PCSK6: variants seen among roughly 807,000 people sequenced by gnomAD.
PCSK6 encodes paired basic amino acid cleaving enzyme 4.
In PCSK6, 85 loss-of-function variants were observed where a neutral mutation model predicts 123.3. The ratio of observed to expected loss-of-function variants is 0.69; its 90% CI spans 0.58 to 0.83. The LOEUF is 0.83. Among genes scored for constraint, PCSK6 ranks in the 40% least tolerant of loss-of-function variants. PCSK6 has a pLI of 0.00. For synonymous variants in PCSK6, 508 were observed against 516.0 expected (o/e 0.98, Z 0.21); for missense variants, 1,191 against 1,282.3 (o/e 0.93, Z 1.09).
intron 1 of PCSK6, among the ~76,000 whole-genome samples, chr15:101,488,428 A>G (rs1032248545): frequency 1.3e-5 from 2 of 152,184 alleles, no homozygotes; most frequent in African/African-American, 4.8e-5. Flanking sequence ...TTTGAGGGTA[A>G]TGCCGCCTTT....
Position 101,432,388 on chromosome 15 carries a change from C to T in PCSK6, c.403-288G>A, listed in dbSNP as rs553290147. 1.4e-4 allele frequency among the ~76,000 whole-genome samples: 21 copies of T among 147,012 alleles called. No homozygotes were observed. The East Asian group carries it at 3.4e-3, about 24-fold the overall frequency. ...CTGTCATCCCAGCACGTTGGGAGGC[C>T]GAGGCAGGAAGATCGCCTGAGCCCA... On this transcript the variant is annotated intron_variant, in intron 2 of 21. Coordinates refer to ENST00000611716, the MANE Select transcript of PCSK6 (RefSeq NM_002570.5).
chr15:101,388,471 G>A (rs867765886), intron 9 of PCSK6, among the ~76,000 whole-genome samples: 19 of 152,116 alleles, frequency 1.2e-4, no homozygotes, highest in African/African-American at 1.7e-4. Context: ...CTCCATGTGC[G>A]GTTAACTTGC....
chr15:101,418,811 C>A (rs371931203), intron 6 of PCSK6, among the ~76,000 whole-genome samples: 1 of 152,118 alleles, frequency 6.6e-6, no homozygotes, highest in Non-Finnish European at 1.5e-5. Flanking sequence ...CTGTGCCTAG[C>A]CCAGTTTAGG....
chr15:101,431,935 C>G (rs995835618), intron 3 of PCSK6, 55 bp downstream of exon 3: 3 of 1,260,162 alleles, frequency 2.4e-6, no homozygotes, highest in Admixed American at 1.9e-5. Flanking sequence ...TAACCCATTT[C>G]AGAGACCTGG....
chr15:101,464,883 G>A (rs1322469026), intron 1 of PCSK6, among the ~76,000 whole-genome samples: 4 of 152,162 alleles, frequency 2.6e-5, no homozygotes, highest in South Asian at 2.1e-4. Context: ...CACTCTCCAC[G>A]GGAACTGCGG....
chr15:101,447,141 T>A (rs2056912911), intron 1 of PCSK6, among the ~76,000 whole-genome samples: 1 of 152,134 alleles, frequency 6.6e-6, no homozygotes, highest in Admixed American at 6.5e-5. Flanking sequence ...TCTAGGCTTC[T>A]CATCTGACCT....
At chr15:101,462,058 T>C (rs1273457787) in intron 1 of PCSK6, among the ~76,000 whole-genome samples, 4 of 152,192 alleles carry the variant, frequency 2.6e-5, no homozygotes, top group African/African-American at 9.6e-5. Context: ...ACTATCTACA[T>C]AGATAACCAT....
rs1010489992 is a variant in PCSK6, at chr15:101,369,009, A to C, written c.1721+1326T>G. Among the ~76,000 whole-genome samples the C allele has an allele frequency of 5.3e-5, 8 of 152,164 alleles. 1 individual carries two copies. The highest frequency in any genetic ancestry group is 1.5e-5 in the Non-Finnish European group (1 of 68,028). Reference sequence around the variant, plus strand: ...CAGCACGGCCGGGCCTCCCGGCAGGAGGGAGAGGTGCCCCTGTGACACTCG... The same window carrying C: ...CAGCACGGCCGGGCCTCCCGGCAGGCGGGAGAGGTGCCCCTGTGACACTCG... On this transcript the variant is annotated intron_variant, in intron 12 of 21. Coordinates refer to ENST00000611716, the MANE Select transcript of PCSK6 (RefSeq NM_002570.5).
At chr15:101,338,289 A>C (rs2040528172) in intron 13 of PCSK6, among the ~76,000 whole-genome samples, 1 of 152,200 alleles carries the variant, frequency 6.6e-6, no homozygotes, top group Admixed American at 6.5e-5. Flanking sequence ...AGGCAGAGAC[A>C]CACAGGAATG....
intron 13 of PCSK6, among the ~76,000 whole-genome samples, chr15:101,333,615 C>T (rs1392476802): frequency 3.3e-5 from 5 of 152,378 alleles, no homozygotes. Flanking sequence ...TAAATGGCAG[C>T]CTGTCTGTCT....
At chr15:101,312,774 A>G (rs141739133) in intron 20 of PCSK6, among the ~76,000 whole-genome samples, 1,822 of 151,918 alleles carry the variant, frequency 0.012, 42 homozygotes, top group African/African-American at 0.04. Flanking sequence ...GGAGCTTGCA[A>G]TGAGCCGAGA....
intron 1 of PCSK6, among the ~76,000 whole-genome samples, chr15:101,453,226 G>A (rs1322551636): frequency 6.6e-6 from 1 of 152,206 alleles, no homozygotes; most frequent in Admixed American, 6.5e-5. Flanking sequence ...CAGAAAATGA[G>A]GTGTATTTCA....
chr15:101,373,569 G>A (rs1051382700), intron 11 of PCSK6, among the ~76,000 whole-genome samples: 10 of 152,142 alleles, frequency 6.6e-5, no homozygotes, highest in South Asian at 2.1e-4. Context: ...CAATTAGAGT[G>A]CTTTTATTAA....
At chr15:101,469,083 A>T (rs907968331) in intron 1 of PCSK6, among the ~76,000 whole-genome samples, 1 of 152,212 alleles carries the variant, frequency 6.6e-6, no homozygotes, top group Admixed American at 6.5e-5. Context: ...CTAGATCAAA[A>T]TAGCGCTATG....
intron 19 of PCSK6, among the ~76,000 whole-genome samples, chr15:101,314,330 G>A (rs1238690003): frequency 3.3e-5 from 5 of 152,208 alleles, no homozygotes; most frequent in Non-Finnish European, 7.3e-5. Context: ...TCTGGGCCAG[G>A]TGTCTCCAGG....
chr15:101,460,618 C>T (rs2057319460), intron 1 of PCSK6, among the ~76,000 whole-genome samples: 1 of 152,174 alleles, frequency 6.6e-6, no homozygotes, highest in Admixed American at 6.5e-5. Context: ...AGACACACAA[C>T]GTTTTCAAAG....
chr15:101,324,485 C>A (rs902773980), intron 17 of PCSK6, among the ~76,000 whole-genome samples: 2 of 152,238 alleles, frequency 1.3e-5, no homozygotes, highest in Admixed American at 6.5e-5. Context: ...GACAGCAGGA[C>A]CTCCTCTTCT....
intron 18 of PCSK6, 23 bp from the exon 19 acceptor site, chr15:101,318,445 T>C (rs2040043619): frequency 1.3e-6 from 2 of 1,533,112 alleles, no homozygotes; most frequent in Admixed American, 3.9e-5. Context: ...AAGAGGCAGA[T>C]TTCCACATCC....
intron 11 of PCSK6, among the ~76,000 whole-genome samples, chr15:101,375,957 C>T (rs1208007323): frequency 6.6e-6 from 1 of 152,190 alleles, no homozygotes; most frequent in Non-Finnish European, 1.5e-5. Context: ...CTGCTTGAAC[C>T]TGGGAGGTGG....
Sources: allele counts gnomAD v4.1 joint callset (sites outside exome capture counted in the v4.1 genomes callset), GRCh38; gene constraint gnomAD v4.1.1; transcripts MANE v1.5; gene names NCBI Gene and HGNC (gene_info 2026-07-23, HGNC 2026-07-21).